RAP2A: variants seen among roughly 807,000 people sequenced by gnomAD.
The protein encoded by RAP2A is ras-related protein Rap-2a.
RAP2A carries 5 observed loss-of-function variants against 15.1 expected under a neutral mutation model. That is an observed-to-expected ratio of 0.33 (90% CI 0.17 to 0.70). RAP2A has a LOEUF of 0.70. Among genes scored for constraint, RAP2A ranks in the 30% least tolerant of loss-of-function variants. RAP2A has a pLI of 0.68. For missense variants in RAP2A, 111 were observed against 240.3 expected (o/e 0.46, Z 3.56); for synonymous variants, 110 against 99.7 (o/e 1.10, Z -0.62).
intron 1 of RAP2A, among the ~76,000 whole-genome samples, chr13:97,452,317 G>C (rs2066705232): frequency 6.6e-6 from 1 of 151,082 alleles, no homozygotes; most frequent in Non-Finnish European, 1.5e-5. Context: ...TAGGGGGTCA[G>C]GGGATTTGTT....
chr13:97,437,050 G>C (rs889129087), intron 1 of RAP2A, among the ~76,000 whole-genome samples: 4 of 152,178 alleles, frequency 2.6e-5, no homozygotes, highest in Admixed American at 2.6e-4. Context: ...GTCTAGGTCA[G>C]CACTTTTCAA....
At chr13:97,442,278 G>T (rs1048850789) in intron 1 of RAP2A, among the ~76,000 whole-genome samples, 8 of 151,856 alleles carry the variant, frequency 5.3e-5, no homozygotes, top group Non-Finnish European at 1.0e-4. Context: ...TCTTTCTCTG[G>T]CATAATTGTA....
In RAP2A at chr13:97,464,404, A is replaced by G. The variant is rs1401931663; in HGVS notation, c.514A>G (p.Lys172Glu). ...RQMNYAAQPD[K>E]DDPCCSACNI... ...GATGAACTATGCTGCTCAGCCTGAC[A>G]AAGATGACCCATGCTGTTCTGCATG... Residue 172 changes from lysine to glutamate, a missense_variant, in exon 2 of 2, where the codon AAA (lysine) becomes GAA (glutamate). By Grantham distance (56) the Lys-to-Glu change is moderately conservative. Around this residue, in one of 3 missense-constraint regions of RAP2A, gnomAD observed 74 missense variants for 132.3 expected, o/e 0.56. Transcript: ENST00000245304. 2 of 1,614,260 alleles carry G rather than the reference A, an allele frequency of 1.2e-6. No individual in the cohort carries two copies. Among genetic ancestry groups the G allele is most frequent in the African/African-American group, 1.3e-5 (1 of 75,080 alleles).
rs929088173 is a variant in RAP2A at position 97,465,235 on chromosome 13, G to A, written c.*793G>A. The A allele has an allele frequency of 6.6e-6, 1 of 152,584 alleles. No individual in the cohort carries two copies. The highest frequency in any genetic ancestry group is 1.5e-5 in the Non-Finnish European group (1 of 68,042). The allele number at this position is 152,584 out of a possible 1,614,324, so 9.5% of individuals were successfully genotyped here. ...TGGTCTTTATAACTTTACTGAACAA[G>A]AGGGAAGCAACTGTGATGGGAAGAG... On this transcript the variant is annotated 3_prime_UTR_variant, in exon 2 of 2. Coordinates refer to ENST00000245304, the MANE Select transcript of RAP2A (RefSeq NM_021033.7).
In RAP2A at chr13:97,434,428, C is replaced by T. The variant is rs758008777; in HGVS notation, c.-43C>T. Reference sequence around the variant, plus strand: ...GGGGCGCAGCGCGGCCGGCGTAGGTCTATGTCGCGGGCGGCGGCGGCGGCG... The same window carrying T: ...GGGGCGCAGCGCGGCCGGCGTAGGTTTATGTCGCGGGCGGCGGCGGCGGCG... On this transcript the variant is annotated 5_prime_UTR_variant, in exon 1 of 2. Transcript: ENST00000245304. 1.3e-6 allele frequency: 2 copies of T among 1,534,210 alleles called. No individual in the cohort carries two copies. Among genetic ancestry groups the T allele is most frequent in the South Asian group, 1.2e-5 (1 of 81,020 alleles).
intron 1 of RAP2A, among the ~76,000 whole-genome samples, chr13:97,458,049 T>C (rs1002906211): frequency 1.3e-5 from 2 of 152,120 alleles, no homozygotes; most frequent in African/African-American, 4.8e-5. Flanking sequence ...CAGTACAAAA[T>C]GGGTTGCCTG....
intron 1 of RAP2A, among the ~76,000 whole-genome samples, chr13:97,438,195 T>C (rs1012343003): frequency 2.0e-5 from 3 of 152,210 alleles, no homozygotes; most frequent in African/African-American, 7.2e-5. Context: ...GGATCAGCCA[T>C]GGTCCTGACA....
intron 1 of RAP2A, among the ~76,000 whole-genome samples, chr13:97,449,850 G>A (rs888786309): frequency 2.0e-5 from 3 of 152,042 alleles, no homozygotes; most frequent in African/African-American, 7.2e-5. Flanking sequence ...GAATAATGAA[G>A]GTACTCCTCT....
intron 1 of RAP2A, among the ~76,000 whole-genome samples, chr13:97,447,631 T>C (rs907082239): frequency 2.6e-5 from 4 of 152,190 alleles, no homozygotes; most frequent in Non-Finnish European, 4.4e-5. Context: ...TAAAGAAAAA[T>C]AATAAAGCAT....
At chr13:97,454,299 C>A (rs1594326210) in intron 1 of RAP2A, among the ~76,000 whole-genome samples, 1 of 151,076 alleles carries the variant, frequency 6.6e-6, no homozygotes, top group South Asian at 2.1e-4. Flanking sequence ...TGTGTTTAAA[C>A]CTGCGTTTAA....
chr13:97,440,227 T>C (rs910610671), intron 1 of RAP2A, among the ~76,000 whole-genome samples: 3 of 152,158 alleles, frequency 2.0e-5, no homozygotes, highest in Non-Finnish European at 4.4e-5. Context: ...GCCTAATAGC[T>C]GTGGGTCACT....
intron 1 of RAP2A, among the ~76,000 whole-genome samples, chr13:97,446,796 C>T (rs993545959): frequency 6.6e-6 from 1 of 152,170 alleles, no homozygotes; most frequent in Non-Finnish European, 1.5e-5. Context: ...ATCTTTGACT[C>T]GCCAGCCCAG....
chr13:97,459,407 C>A (rs539191569), intron 1 of RAP2A, among the ~76,000 whole-genome samples: 35 of 152,170 alleles, frequency 2.3e-4, no homozygotes, highest in Non-Finnish European at 4.0e-4. Flanking sequence ...ACAGAGTCAG[C>A]CCTCTAAGTC....
chr13:97,461,014 A>G (rs2066744246), intron 1 of RAP2A, among the ~76,000 whole-genome samples: 1 of 151,922 alleles, frequency 6.6e-6, no homozygotes, highest in Non-Finnish European at 1.5e-5. Context: ...CCACATCACT[A>G]GAGTTAGGAG....
In RAP2A at chr13:97,468,221, T is replaced by G. The variant is rs2066781116; in HGVS notation, c.*3779T>G. 6.6e-6 allele frequency: 1 copy of G among 152,228 alleles called. No homozygotes were observed. The highest frequency in any genetic ancestry group is 2.4e-5 in the African/African-American group (1 of 41,454). 9.4% of individuals were successfully genotyped at this position (152,228 alleles called of 1,614,324 possible). ...CAGTTATTATAAATATAAACTTATC[T>G]CTACAAATGATTTTATATTTTGAAT... On this transcript the variant is annotated 3_prime_UTR_variant, in exon 2 of 2. Coordinates refer to ENST00000245304, the MANE Select transcript of RAP2A (RefSeq NM_021033.7).
intron 1 of RAP2A, among the ~76,000 whole-genome samples, chr13:97,451,427 G>A (rs1354502167): frequency 6.6e-6 from 1 of 152,078 alleles, no homozygotes; most frequent in Non-Finnish European, 1.5e-5. Context: ...AATGAGTCAT[G>A]CCTAGTAATG....
chr13:97,460,439 G>A (rs1176239210), intron 1 of RAP2A, among the ~76,000 whole-genome samples: 2 of 152,196 alleles, frequency 1.3e-5, no homozygotes, highest in African/African-American at 2.4e-5. Context: ...AGGAAACCAA[G>A]ATTAGGTTAA....
In RAP2A at chr13:97,438,540, T is replaced by C. The variant is rs906513247; in HGVS notation, c.314+3756T>C. On this transcript the variant is annotated intron_variant, in intron 1 of 1. Transcript: ENST00000245304. ...TTAGCAATGACCTTGAACAGTAGGA[T>C]ATAAATAACTCCCACAAGCTTAGTG... Among the ~76,000 whole-genome samples the C allele has an allele frequency of 2.6e-5, 4 of 152,298 alleles. No individual in the cohort carries two copies. The East Asian group carries it at 7.7e-4, about 29-fold the overall frequency.
chr13:97,448,954 A>G (rs532254460), intron 1 of RAP2A, among the ~76,000 whole-genome samples: 1 of 152,236 alleles, frequency 6.6e-6, no homozygotes, highest in Non-Finnish European at 1.5e-5. Flanking sequence ...GCACAGATGC[A>G]GTGAGCCATC....
Sources: allele counts gnomAD v4.1 joint callset (sites outside exome capture counted in the v4.1 genomes callset), GRCh38; gene constraint gnomAD v4.1.1; regional missense constraint gnomAD v4.1.1; transcripts MANE v1.5; gene names NCBI Gene and HGNC (gene_info 2026-07-23, HGNC 2026-07-21).